Variants in ANKRD11 observed in about 807,000 individuals in gnomAD.
ANKRD11 encodes ankyrin repeat domain 11, also known as ankyrin repeat domain-containing protein 11.
Under a neutral mutation model 195.7 loss-of-function variants are expected in ANKRD11, and 17 were observed. The observed-to-expected ratio is 0.09, with a 90% confidence interval of 0.06 to 0.13. ANKRD11 has a LOEUF of 0.13. ANKRD11 is among the 10% of genes least tolerant of loss of function. The pLI is 1.00. For missense variants in ANKRD11, 3,735 were observed against 3,566.1 expected, an observed-to-expected ratio of 1.05 and a Z score of -1.21; for synonymous variants, 1,953 against 1,528.1, an observed-to-expected ratio of 1.28 and a Z score of -6.49.
rs139975306 is a variant in ANKRD11 at position 89,465,649 on chromosome 16, G to A, written c.-145+24596C>T. Among the ~76,000 whole-genome samples the A allele has an allele frequency of 5.9e-5, 9 of 152,298 alleles. No homozygotes were observed. The East Asian group carries it at 1.5e-3, about 26-fold the overall frequency. ...ACACGACTCCCATGTACTCCTGCAC[G>A]TCACGTGGACGAGCTAAAGAAGACT... On this transcript the variant is annotated intron_variant, in intron 1 of 12. Coordinates refer to ENST00000301030, the MANE Select transcript of ANKRD11 (RefSeq NM_013275.6).
chr16:89,431,978 C>T (rs2042997594), intron 1 of ANKRD11, among the ~76,000 whole-genome samples: 1 of 152,084 alleles, frequency 6.6e-6, no homozygotes, highest in African/African-American at 2.4e-5. Flanking sequence ...TGTCCATTTC[C>T]AGCTCCCCCC....
At chr16:89,464,057 G>A (rs1401368880) in intron 1 of ANKRD11, among the ~76,000 whole-genome samples, 1 of 152,092 alleles carries the variant, frequency 6.6e-6, no homozygotes, top group Non-Finnish European at 1.5e-5. Context: ...TGGCCAACAT[G>A]GTGAAACCCC....
intron 1 of ANKRD11, among the ~76,000 whole-genome samples, chr16:89,458,557 A>G (rs1216526477): frequency 6.6e-6 from 1 of 152,202 alleles, no homozygotes; most frequent in East Asian, 1.9e-4. Context: ...AACATTTTAC[A>G]TTAAAGAAAA....
At chr16:89,455,440 G>A (rs2056392187) in intron 1 of ANKRD11, among the ~76,000 whole-genome samples, 1 of 152,062 alleles carries the variant, frequency 6.6e-6, no homozygotes, top group African/African-American at 2.4e-5. Context: ...AAACCACACA[G>A]GAGCTACACG....
chr16:89,476,641 C>T (rs1262937653), intron 1 of ANKRD11, among the ~76,000 whole-genome samples: 1 of 152,204 alleles, frequency 6.6e-6, no homozygotes, highest in African/African-American at 2.4e-5. Flanking sequence ...CCTCAAGCCG[C>T]AGGCACTAGC....
In ANKRD11 at chr16:89,280,064, G is replaced by C; in HGVS notation, c.6478C>G (p.Leu2160Val). The stretch of plus-strand genomic sequence containing the variant: ...GGAGGCATCTCTTCTGGAGGAGCAA[G>C]ACTTTCTTCCACGGGTTCCGCTTCA... The part of the protein sequence containing the change: ...DGEAEPVEES[L>V]APPEEMPPGA... The change falls in exon 9 of 13, where the codon CTT becomes GTT. Residue 2160 changes from leucine to valine, a missense_variant. By Grantham distance (32) the Leu-to-Val change is conservative. Transcript: ENST00000301030. 6.2e-7 allele frequency: 1 copy of C among 1,613,080 alleles called. No homozygotes were observed. Among genetic ancestry groups the C allele is most frequent in the Non-Finnish European group, 8.5e-7 (1 of 1,179,966 alleles).
In ANKRD11 at chr16:89,282,300, A is replaced by T. The variant is rs1567569860; in HGVS notation, c.4242T>A (p.Asp1414Glu). 6.2e-7 allele frequency: 1 copy of T among 1,614,044 alleles called. No individual in the cohort carries two copies. The highest frequency in any genetic ancestry group is 1.1e-5 in the South Asian group (1 of 91,066). ...VSYNMKADIE[D>E]ELDKTIELFS... ...ACAATTCAATGGTTTTATCTAGCTC[A>T]TCTTCTATGTCAGCTTTCATGTTGT... The change falls in exon 9 of 13, where the codon GAT becomes GAA. Residue 1414 changes from aspartate to glutamate, a missense_variant. By Grantham distance (45) the Asp-to-Glu change is conservative. Coordinates refer to ENST00000301030, the MANE Select transcript of ANKRD11 (RefSeq NM_013275.6).
At chr16:89,460,969 ACC>A (rs34732329) in intron 1 of ANKRD11, among the ~76,000 whole-genome samples, 83 of 58,982 alleles carry the variant, frequency 1.4e-3, no homozygotes, top group African/African-American at 5.1e-3. Flanking sequence ...ATATCGTATG[ACC>A]CCCCCCCCCA....
intron 1 of ANKRD11, among the ~76,000 whole-genome samples, chr16:89,481,539 A>G (rs1215253396): frequency 6.6e-6 from 1 of 152,236 alleles, no homozygotes; most frequent in East Asian, 1.9e-4. Context: ...CCTGAGTGAC[A>G]GAGCAAGACC....
At chr16:89,461,265 G>C (rs1310150184) in intron 1 of ANKRD11, among the ~76,000 whole-genome samples, 3 of 151,270 alleles carry the variant, frequency 2.0e-5, no homozygotes, top group African/African-American at 4.9e-5. Context: ...GTTATGGGGA[G>C]AGTCGAGGTT....
intron 3 of ANKRD11, among the ~76,000 whole-genome samples, chr16:89,306,208 C>T (rs2036222360): frequency 8.9e-6 from 1 of 112,378 alleles, no homozygotes; most frequent in Admixed American, 8.5e-5. Context: ...CGCAGACACG[C>T]GCCACCTACC....
At chr16:89,325,003 T>C (rs1365642166) in intron 2 of ANKRD11, 1 of 160,822 alleles carries the variant, frequency 6.2e-6, no homozygotes, top group Non-Finnish European at 1.4e-5. Context: ...AGGAAACTAG[T>C]CCACTCTCAT....
rs764137649 is a variant in ANKRD11 at position 89,280,055 on chromosome 16, G to C, written c.6487C>G (p.Pro2163Ala). The C allele has an allele frequency of 9.9e-6, 16 of 1,612,996 alleles. No individual in the cohort carries two copies. The East Asian group carries it at 3.6e-4, about 36-fold the overall frequency. ...AEPVEESLAP[P>A]EEMPPGAPGV... ...GGGGCCCCTGGAGGCATCTCTTCTG[G>C]AGGAGCAAGACTTTCTTCCACGGGT... The change falls in exon 9 of 13, where the codon CCA becomes GCA. Residue 2163 changes from proline to alanine, a missense_variant. By Grantham distance (27) the Pro-to-Ala change is conservative (BLOSUM62 -1). Coordinates refer to ENST00000301030, the MANE Select transcript of ANKRD11 (RefSeq NM_013275.6).
At chr16:89,334,144 T>TAAAAAAAAAAAAAAAAAAAAAAAAAAAAA (rs869142504) in intron 2 of ANKRD11, among the ~76,000 whole-genome samples, 1 of 41,416 alleles carries the variant, frequency 2.4e-5, no homozygotes, top group African/African-American at 9.6e-5. Context: ...CCCTGTGTTT[T>TAAAAAAAAAAAAAAAAAAAAAAAAAAAAA]AAAAAAAAAA....
chr16:89,270,676 GA>G, intron 12 of ANKRD11, 140 bp downstream of exon 12: 1 of 839,002 alleles, frequency 1.2e-6, no homozygotes, highest in East Asian at 2.7e-5. Flanking sequence ...GCCAGATTAA[GA>G]GAATCTGAAA....
chr16:89,351,670 T>C (rs970280374), intron 2 of ANKRD11, among the ~76,000 whole-genome samples: 1 of 152,166 alleles, frequency 6.6e-6, no homozygotes, highest in Non-Finnish European at 1.5e-5. Context: ...GTTCGTGTCA[T>C]GCCACACAGC....
In ANKRD11 at chr16:89,463,234, G is replaced by A. The variant is rs1048463856; in HGVS notation, c.-145+27011C>T. ...GTGGCGGTTTTGTGGAATAGAAAGC[G>A]GGGAAAGGTGGGGAAAAGATTGAGA... On this transcript the variant is annotated intron_variant, in intron 1 of 12. Coordinates refer to ENST00000301030, the MANE Select transcript of ANKRD11 (RefSeq NM_013275.6). 3.3e-5 allele frequency among the ~76,000 whole-genome samples: 5 copies of A among 152,354 alleles called. No individual in the cohort carries two copies. The East Asian group carries it at 5.8e-4, about 18-fold the overall frequency.
intron 4 of ANKRD11, chr16:89,300,482 C>T (rs1028855288): frequency 4.7e-6 from 1 of 212,296 alleles, no homozygotes; most frequent in East Asian, 1.5e-4. Context: ...GCCCCTGCTG[C>T]ACTCTGCTCT....
At chr16:89,313,197 C>T (rs2036713066) in intron 3 of ANKRD11, 2 of 1,061,580 alleles carry the variant, frequency 1.9e-6, no homozygotes, top group African/African-American at 1.6e-5. Flanking sequence ...GGCTGTGAGG[C>T]TGCCTGTGCT....
Sources: allele counts gnomAD v4.1 joint callset (sites outside exome capture counted in the v4.1 genomes callset), GRCh38; gene constraint gnomAD v4.1.1; transcripts MANE v1.5; gene names NCBI Gene and HGNC (gene_info 2026-07-23, HGNC 2026-07-21).